The following NPAS3 variants were observed in gnomAD, a reference collection of about 807,000 sequenced individuals.
NPAS3 encodes neuronal PAS domain-containing protein 3.
Under a neutral mutation model 73.1 loss-of-function variants are expected in NPAS3, and 14 were observed. The observed-to-expected ratio is 0.19, with a 90% CI of 0.13 to 0.30. The LOEUF (loss-of-function observed/expected upper bound fraction) is 0.30, where lower values mean the gene tolerates loss of function less well. NPAS3 is among the 10% of genes least tolerant of loss of function. NPAS3 has a pLI of 1.00. For synonymous variants in NPAS3, 620 were observed against 541.5 expected (o/e 1.14, Z -2.01); for missense variants, 1,096 against 1,250.0 (o/e 0.88, Z 1.86).
chr14:33,202,917 A>G (rs887298545), intron 2 of NPAS3, among the ~76,000 whole-genome samples: 1 of 152,206 alleles, frequency 6.6e-6, no homozygotes, highest in Non-Finnish European at 1.5e-5. Context: ...TTTGTAGTAT[A>G]TTTTGAATAA....
intron 4 of NPAS3, among the ~76,000 whole-genome samples, chr14:33,407,018 A>C (rs2047697417): frequency 6.6e-6 from 1 of 152,170 alleles, no homozygotes; most frequent in Non-Finnish European, 1.5e-5. Flanking sequence ...GAGACTGAGA[A>C]GATTAAGAAT....
intron 1 of NPAS3, among the ~76,000 whole-genome samples, chr14:32,939,610 A>G (rs1464864805): frequency 8.6e-6 from 1 of 116,352 alleles, no homozygotes; most frequent in African/African-American, 3.4e-5. Flanking sequence ...CGGCGAATAG[A>G]GTGACTCACT....
chr14:33,723,598 G>A (rs911932017), intron 6 of NPAS3, among the ~76,000 whole-genome samples: 2 of 151,808 alleles, frequency 1.3e-5, no homozygotes, highest in Non-Finnish European at 2.9e-5. Context: ...CAACTGTCCA[G>A]TTCGGAGTCC....
intron 5 of NPAS3, among the ~76,000 whole-genome samples, chr14:33,619,272 A>G (rs1317994942): frequency 6.6e-6 from 1 of 152,184 alleles, no homozygotes; most frequent in Non-Finnish European, 1.5e-5. Context: ...TATGAAATTT[A>G]CTGTGAAATC....
intron 5 of NPAS3, among the ~76,000 whole-genome samples, chr14:33,606,083 A>ATTG (rs2057552310): frequency 6.6e-6 from 1 of 151,870 alleles, no homozygotes; most frequent in Non-Finnish European, 1.5e-5. Context: ...TATTATTATT[A>ATTG]TTATTATTAT....
At chr14:33,766,955 C>A (rs1217959053) in intron 7 of NPAS3, among the ~76,000 whole-genome samples, 1 of 152,144 alleles carries the variant, frequency 6.6e-6, no homozygotes, top group African/African-American at 2.4e-5. Context: ...GTTGTAAAGT[C>A]AGTTTTTAGA....
At chr14:33,088,196 C>T (rs1411329856) in intron 2 of NPAS3, among the ~76,000 whole-genome samples, 1 of 152,182 alleles carries the variant, frequency 6.6e-6, no homozygotes, top group South Asian at 2.1e-4. Flanking sequence ...GGGTGCAGGA[C>T]AGTGGGTGCA....
At chr14:33,096,294 C>G (rs1036358353) in intron 2 of NPAS3, among the ~76,000 whole-genome samples, 3 of 152,062 alleles carry the variant, frequency 2.0e-5, no homozygotes, top group African/African-American at 7.2e-5. Flanking sequence ...TTGAATAGCT[C>G]AGCTAGAAAG....
At chr14:33,780,475 A>G (rs542580285) in intron 9 of NPAS3, among the ~76,000 whole-genome samples, 3 of 152,296 alleles carry the variant, frequency 2.0e-5, no homozygotes, top group African/African-American at 7.2e-5. Flanking sequence ...GTCATAGACC[A>G]TGTGTGCAGA....
intron 1 of NPAS3, among the ~76,000 whole-genome samples, chr14:32,979,761 C>T (rs556392062): frequency 6.6e-6 from 1 of 152,172 alleles, no homozygotes; most frequent in South Asian, 2.1e-4. Flanking sequence ...CACTTTTTTT[C>T]TTGTAATGAT....
At chr14:33,073,983 C>T (rs554284520) in intron 2 of NPAS3, among the ~76,000 whole-genome samples, 2 of 152,318 alleles carry the variant, frequency 1.3e-5, no homozygotes, top group East Asian at 1.9e-4. Context: ...ATGTCATCTC[C>T]TGACTTGTGA....
intron 4 of NPAS3, among the ~76,000 whole-genome samples, chr14:33,423,644 T>C (rs934226749): frequency 6.6e-6 from 1 of 152,018 alleles, no homozygotes; most frequent in South Asian, 2.1e-4. Flanking sequence ...ACACTTATTA[T>C]ATGCCAGGCA....
Position 33,555,519 on chromosome 14 carries a change from A to T in NPAS3, c.469-4602A>T, listed in dbSNP as rs1050025016. Among the ~76,000 whole-genome samples the T allele has an allele frequency of 2.6e-4, 40 of 152,204 alleles. 2 individuals carry two copies. Among genetic ancestry groups the T allele is most frequent in the Admixed American group, 2.0e-4 (3 of 15,284 alleles). ...TAATAGCTTTCTTGATTCAAAATTT[A>T]AAAAAAATTCCACAGAACTTTGAGA... On this transcript the variant is annotated intron_variant, in intron 4 of 11. Transcript: ENST00000356141.
rs1235324755 is a variant in NPAS3, at chr14:33,662,676, A to G, written c.559-13535A>G. Among the ~76,000 whole-genome samples the G allele has an allele frequency of 2.6e-5, 4 of 152,038 alleles. No homozygotes were observed. The South Asian group carries it at 6.2e-4, about 24-fold the overall frequency. On this transcript the variant is annotated intron_variant, in intron 5 of 11. Coordinates refer to ENST00000356141, the Ensembl canonical transcript of NPAS3. Reference sequence around the variant, plus strand: ...AAGAGGTCTTTCGCGTCCCTTGTACATTGTATTCCTAGGTATTTTATTCTC... The same window carrying G: ...AAGAGGTCTTTCGCGTCCCTTGTACGTTGTATTCCTAGGTATTTTATTCTC...
chr14:33,758,706 A>T (rs565127993), intron 7 of NPAS3, among the ~76,000 whole-genome samples: 1 of 152,222 alleles, frequency 6.6e-6, no homozygotes, highest in South Asian at 2.1e-4. Flanking sequence ...GATGCAGGGT[A>T]GTTCTACTTT....
intron 4 of NPAS3, among the ~76,000 whole-genome samples, chr14:33,447,823 G>A (rs1270071377): frequency 6.6e-6 from 1 of 152,158 alleles, no homozygotes; most frequent in Non-Finnish European, 1.5e-5. Flanking sequence ...GCTAAGGCAG[G>A]AGGATTGCTT....
At chr14:33,346,033 C>A (rs2044711752) in intron 3 of NPAS3, among the ~76,000 whole-genome samples, 1 of 151,432 alleles carries the variant, frequency 6.6e-6, no homozygotes, top group South Asian at 2.1e-4. Flanking sequence ...GAGTTCGAGA[C>A]CAGCCTGGCC....
chr14:33,276,555 T>TAA (rs776357452), intron 3 of NPAS3, among the ~76,000 whole-genome samples: 1 of 152,150 alleles, frequency 6.6e-6, no homozygotes, highest in South Asian at 2.1e-4. Flanking sequence ...GATTCTGGGA[T>TAA]AAATCCCAAG....
chr14:33,325,325 A>G (rs1044074199), intron 3 of NPAS3, among the ~76,000 whole-genome samples: 1 of 152,094 alleles, frequency 6.6e-6, no homozygotes, highest in African/African-American at 2.4e-5. Flanking sequence ...AAACAATCCA[A>G]CTACACTCTT....
Sources: allele counts gnomAD v4.1 joint callset (sites outside exome capture counted in the v4.1 genomes callset), GRCh38; gene constraint gnomAD v4.1.1; transcripts MANE v1.5; gene names NCBI Gene and HGNC (gene_info 2026-07-23, HGNC 2026-07-21).